The following KIAA0513 variants were observed in gnomAD, a reference collection of about 807,000 sequenced individuals.
KIAA0513 encodes uncharacterized protein KIAA0513.
In KIAA0513, 39 loss-of-function variants were observed where a neutral mutation model predicts 56.5. The observed-to-expected ratio is 0.69, with a 90% CI of 0.53 to 0.90. KIAA0513 has a LOEUF of 0.90. Ranked by LOEUF, KIAA0513 falls within the 40% of genes least tolerant of loss-of-function variation. The probability of loss-of-function intolerance (pLI) is 0.00; values close to 1 mark genes in which losing one functional copy is unlikely to be tolerated. For missense variants in KIAA0513, 591 were observed against 535.2 expected, an observed-to-expected ratio of 1.10 and a Z score of -1.03; for synonymous variants, 268 against 215.6, an observed-to-expected ratio of 1.24 and a Z score of -2.13.
chr16:85,052,053 G>A (rs999578743), intron 1 of KIAA0513, among the ~76,000 whole-genome samples: 1 of 152,092 alleles, frequency 6.6e-6, no homozygotes, highest in African/African-American at 2.4e-5. Context: ...CAGGCGCAGT[G>A]GCTCACGCCT....
intron 1 of KIAA0513, among the ~76,000 whole-genome samples, chr16:85,039,204 G>C (rs2073074337): frequency 6.6e-6 from 1 of 152,200 alleles, no homozygotes; most frequent in South Asian, 2.1e-4. Flanking sequence ...GCCATTGGAA[G>C]CCTATTTTAA....
At position 85,044,559 on chromosome 16, in the gene KIAA0513, T is replaced by C. The variant is rs2073146472; in HGVS notation, c.-173+16701T>C. Among the ~76,000 whole-genome samples the C allele has an allele frequency of 2.0e-5, 3 of 150,968 alleles. No homozygotes were observed. In the South Asian group the frequency reaches 6.3e-4, roughly 31 times the overall value. On this transcript the variant is annotated intron_variant, in intron 1 of 12. Coordinates refer to ENST00000683363, the MANE Select transcript of KIAA0513 (RefSeq NM_001388359.1). ...GACTCGCCCTGTCGCCAGGCTGGAG[T>C]GCAATGGTGCGGTCTCAGCTCACAG...
At chr16:85,040,276 G>A (rs2073088335) in intron 1 of KIAA0513, among the ~76,000 whole-genome samples, 1 of 152,232 alleles carries the variant, frequency 6.6e-6, no homozygotes, top group African/African-American at 2.4e-5. Flanking sequence ...TCTAGCGAGT[G>A]GAGGCCAGGA....
intron 1 of KIAA0513, among the ~76,000 whole-genome samples, chr16:85,058,382 G>A (rs565971096): frequency 1.6e-4 from 25 of 152,262 alleles, no homozygotes; most frequent in Non-Finnish European, 3.1e-4. Context: ...GGCCGGACGC[G>A]TTGGCTCATG....
intron 10 of KIAA0513, 103 bp from the exon 11 acceptor site, chr16:85,086,541 C>T (rs1021867363): frequency 1.6e-5 from 18 of 1,101,256 alleles, no homozygotes; most frequent in South Asian, 2.7e-5. Context: ...CGGTGGGGGC[C>T]GTACATGGGT....
intron 1 of KIAA0513, among the ~76,000 whole-genome samples, chr16:85,046,117 G>A (rs72803569): frequency 0.063 from 9,592 of 152,224 alleles, 289 homozygotes; most frequent in African/African-American, 0.069. Flanking sequence ...CCCTTCCCTT[G>A]GTCTCTGGCT....
rs2073865053 is a variant in KIAA0513, at chr16:85,091,320, G to A, written c.*2995G>A. 6.6e-6 allele frequency: 1 copy of A among 152,120 alleles called. No individual in the cohort carries two copies. The highest frequency in any genetic ancestry group is 2.1e-4 in the South Asian group (1 of 4,824). The allele number at this position is 152,120 out of a possible 1,614,324, so 9.4% of individuals were successfully genotyped here. On this transcript the variant is annotated 3_prime_UTR_variant, in exon 13 of 13. Coordinates refer to ENST00000683363, the MANE Select transcript of KIAA0513 (RefSeq NM_001388359.1). ...TTTTAGCAACATTGATGTCTAAGAG[G>A]GGCCGTGGTAATAGATTGCATCTGC...
intron 1 of KIAA0513, among the ~76,000 whole-genome samples, chr16:85,061,376 C>G (rs1173532747): frequency 6.6e-6 from 1 of 152,176 alleles, no homozygotes; most frequent in Non-Finnish European, 1.5e-5. Flanking sequence ...CCCTGGTTCT[C>G]CAGCTGACCT....
chr16:85,086,851 G>GAT, intron 11 of KIAA0513, 127 bp downstream of exon 11: 1 of 931,494 alleles, frequency 1.1e-6, no homozygotes, highest in African/African-American at 1.6e-5. Context: ...CATCACACTT[G>GAT]GCCTCCATGC....
rs1403634504 is a variant in KIAA0513, at chr16:85,078,818, C to G, written c.824-107C>G. ...ACGGTGGGGTTTGCATCACGTGTTT[C>G]AGTGACATTCGGGGAGAAACTGGCT... On this transcript the variant is annotated intron_variant, in intron 7 of 12. Transcript: ENST00000683363. 30 of 1,210,354 alleles carry G rather than the reference C, an allele frequency of 2.5e-5. 1 individual carries two copies. The highest frequency in any genetic ancestry group is 3.7e-5 in the Non-Finnish European group (30 of 820,588). The allele number at this position is 1,210,354 out of a possible 1,614,324, so 75.0% of individuals were successfully genotyped here.
In KIAA0513 at chr16:85,091,216, C is replaced by CA. The variant is rs1491163072; in HGVS notation, c.*2892dup. ...CTAGTGAACCAAAATGCAAACAACT[C>CA]ACACAAGTGAAAAGCTCCCTGCTTT... On this transcript the variant is annotated 3_prime_UTR_variant, in exon 13 of 13. Transcript: ENST00000683363. 2.0e-5 allele frequency: 3 copies of CA among 152,244 alleles called. No homozygotes were observed. The highest frequency in any genetic ancestry group is 4.4e-5 in the Non-Finnish European group (3 of 68,048). 9.4% of individuals were successfully genotyped at this position (152,244 alleles called of 1,614,324 possible).
intron 1 of KIAA0513, among the ~76,000 whole-genome samples, chr16:85,049,985 G>A (rs1431530165): frequency 6.6e-6 from 1 of 152,216 alleles, no homozygotes; most frequent in African/African-American, 2.4e-5. Flanking sequence ...GAATTCAGCT[G>A]TCCCGGAGTC....
At position 85,077,570 on chromosome 16, in the gene KIAA0513, T is replaced by C. The variant is rs1336104711; in HGVS notation, c.720T>C (p.Asn240=). The part of the protein sequence containing the change: ...LLKNTSARTE[N]VKGFFGGLET... ...AGAACACCTCGGCCAGGACTGAGAATGTCAAGGGCTTCTTCGGGGGGCTGG... is the reference window on the plus strand; with the variant it reads ...AGAACACCTCGGCCAGGACTGAGAACGTCAAGGGCTTCTTCGGGGGGCTGG... The change falls in exon 6 of 13, where the codon AAT becomes AAC. Residue 240 remains asparagine (N), a synonymous_variant. Coordinates refer to ENST00000683363, the MANE Select transcript of KIAA0513 (RefSeq NM_001388359.1). 6.2e-6 allele frequency: 10 copies of C among 1,614,106 alleles called. No homozygotes were observed. The highest frequency in any genetic ancestry group is 8.5e-6 in the Non-Finnish European group (10 of 1,180,010).
rs769359322 is a variant in KIAA0513, at chr16:85,072,990, G to A, written c.495G>A (p.Val165=). Residue 165 remains valine (V), a synonymous_variant, in exon 4 of 13, where the codon GTG becomes GTA. Transcript: ENST00000683363. ...FYRLVQSFAV[V]LFECHQMDDF... ...GCCTGGTGCAGTCTTTTGCAGTGGT[G>A]CTGTTCGAGTAAGTAATGCCGTGGC... The A allele has an allele frequency of 3.1e-6, 5 of 1,613,898 alleles. No individual in the cohort carries two copies. The highest frequency in any genetic ancestry group is 2.2e-5 in the East Asian group (1 of 44,892).
Position 85,090,396 on chromosome 16 carries a change from C to T in KIAA0513, c.*2071C>T, listed in dbSNP as rs1221416096. On this transcript the variant is annotated 3_prime_UTR_variant, in exon 13 of 13. Transcript: ENST00000683363. ...TCTGCGGTGCCCACAGGACTTACCCCTGTATGTACAGGATTTTTGTATGAA... is the reference window on the plus strand; with the variant it reads ...TCTGCGGTGCCCACAGGACTTACCCTTGTATGTACAGGATTTTTGTATGAA... 6.6e-6 allele frequency: 1 copy of T among 152,196 alleles called. No individual in the cohort carries two copies. The highest frequency in any genetic ancestry group is 2.4e-5 in the African/African-American group (1 of 41,446). 9.4% of individuals were successfully genotyped at this position (152,196 alleles called of 1,614,324 possible).
intron 1 of KIAA0513, among the ~76,000 whole-genome samples, chr16:85,041,628 G>T (rs1240102051): frequency 6.6e-6 from 1 of 152,146 alleles, no homozygotes; most frequent in Non-Finnish European, 1.5e-5. Context: ...TCGCTACTCG[G>T]GCGCTGCCTC....
intron 1 of KIAA0513, among the ~76,000 whole-genome samples, chr16:85,046,718 C>T (rs1012517311): frequency 1.7e-4 from 26 of 152,114 alleles, no homozygotes; most frequent in African/African-American, 6.0e-4. Context: ...TTCATTCTGC[C>T]GTTGAGCCTA....
intron 1 of KIAA0513, among the ~76,000 whole-genome samples, chr16:85,031,339 C>T (rs550648566): frequency 6.6e-6 from 1 of 152,182 alleles, no homozygotes; most frequent in Admixed American, 6.5e-5. Context: ...CAAAAATTAG[C>T]CAGGTGTGGT....
intron 1 of KIAA0513, among the ~76,000 whole-genome samples, chr16:85,029,521 G>T (rs1331081257): frequency 6.6e-6 from 1 of 152,234 alleles, no homozygotes; most frequent in Non-Finnish European, 1.5e-5. Context: ...GACAATAACT[G>T]CTTCTTCAAA....
Sources: gnomAD v4.1 joint callset for allele counts (sites outside exome capture counted in the v4.1 genomes callset) on GRCh38, gnomAD v4.1.1 for gene constraint, MANE v1.5 for transcripts, NCBI Gene and HGNC (gene_info 2026-07-23, HGNC 2026-07-21) for gene names.